The following MARCHF1 variants were observed in gnomAD, a reference collection of about 807,000 sequenced individuals.
The protein encoded by MARCHF1 is membrane associated ring-CH-type finger 1, also known as E3 ubiquitin-protein ligase MARCHF1.
Under a neutral mutation model 54.2 loss-of-function variants are expected in MARCHF1, and 40 were observed. The observed-to-expected ratio is 0.74, with a 90% CI of 0.57 to 0.96. The LOEUF (loss-of-function observed/expected upper bound fraction) is 0.96, where lower values mean the gene tolerates loss of function less well. Ranked by LOEUF, MARCHF1 falls within the 40% of genes least tolerant of loss-of-function variation. The probability of loss-of-function intolerance (pLI) is 0.00; values close to 1 mark genes in which losing one functional copy is unlikely to be tolerated. For missense variants in MARCHF1, 586 were observed against 656.5 expected, an observed-to-expected ratio of 0.89 and a Z score of 1.17; for synonymous variants, 236 against 236.3, an observed-to-expected ratio of 1.00 and a Z score of 0.01.
At chr4:164,274,778 A>G (rs1733834640) in intron 1 of MARCHF1, among the ~76,000 whole-genome samples, 1 of 139,662 alleles carries the variant, frequency 7.2e-6, no homozygotes, top group Admixed American at 8.1e-5. Context: ...CCGAGTTCAC[A>G]CCATTCTCCT....
At chr4:163,570,961 T>C (rs1241601008) in intron 8 of MARCHF1, among the ~76,000 whole-genome samples, 1 of 152,124 alleles carries the variant, frequency 6.6e-6, no homozygotes, top group Non-Finnish European at 1.5e-5. Flanking sequence ...ATAAAGTAAA[T>C]TGTCTGTGGA....
intron 1 of MARCHF1, among the ~76,000 whole-genome samples, chr4:164,196,827 C>A (rs1411239130): frequency 6.6e-6 from 1 of 152,058 alleles, no homozygotes; most frequent in African/African-American, 2.4e-5. Flanking sequence ...CCCTCCACAA[C>A]CCCCAGTACA....
At chr4:163,597,875 C>A (rs1740826681) in intron 7 of MARCHF1, among the ~76,000 whole-genome samples, 1 of 152,128 alleles carries the variant, frequency 6.6e-6, no homozygotes, top group Non-Finnish European at 1.5e-5. Flanking sequence ...TACATACTGT[C>A]CTTCATATTT....
chr4:164,010,800 T>C (rs373955679), intron 2 of MARCHF1, among the ~76,000 whole-genome samples: 32 of 151,954 alleles, frequency 2.1e-4, no homozygotes, highest in East Asian at 7.7e-4. Context: ...AGACACCAAA[T>C]AGCCAAAGCA....
intron 1 of MARCHF1, chr4:164,188,360 T>A (rs1731031345): frequency 4.3e-6 from 2 of 465,830 alleles, no homozygotes; most frequent in African/African-American, 2.0e-5. Flanking sequence ...ACGCCCTGCC[T>A]CTGCTGCCCG....
intron 2 of MARCHF1, among the ~76,000 whole-genome samples, chr4:164,012,288 A>T (rs1753438011): frequency 6.6e-6 from 1 of 152,070 alleles, no homozygotes; most frequent in African/African-American, 2.4e-5. Context: ...CTCAGTAAAG[A>T]TTCCTTCTGC....
chr4:164,126,581 T>A (rs1579555864), intron 1 of MARCHF1, among the ~76,000 whole-genome samples: 1 of 151,272 alleles, frequency 6.6e-6, no homozygotes, highest in African/African-American at 2.4e-5. Flanking sequence ...ATGAGAAGAG[T>A]TTTGAAATAC....
At chr4:164,171,968 CCTT>C (rs567631364) in intron 1 of MARCHF1, among the ~76,000 whole-genome samples, 225 of 152,260 alleles carry the variant, frequency 1.5e-3, no homozygotes, top group African/African-American at 5.0e-3. Context: ...TGAGCGCTGT[CCTT>C]CTGGCTGGCA....
intron 5 of MARCHF1, among the ~76,000 whole-genome samples, chr4:163,665,905 G>A (rs1743516317): frequency 1.3e-5 from 2 of 152,084 alleles, no homozygotes; most frequent in African/African-American, 4.8e-5. Flanking sequence ...TAGAGTTTTT[G>A]GATGAATGCT....
At chr4:163,724,280 T>C (rs527583158) in intron 4 of MARCHF1, among the ~76,000 whole-genome samples, 1 of 152,356 alleles carries the variant, frequency 6.6e-6, no homozygotes, top group Admixed American at 6.5e-5. Flanking sequence ...AGGTCCACTC[T>C]AGACCCTGTT....
chr4:164,137,529 G>A (rs1463995399), intron 1 of MARCHF1, among the ~76,000 whole-genome samples: 6 of 152,068 alleles, frequency 3.9e-5, no homozygotes, highest in Admixed American at 2.0e-4. Context: ...CGGAAAATGC[G>A]TTTCAGATTT....
chr4:164,242,834 G>A (rs1036793479), intron 1 of MARCHF1, among the ~76,000 whole-genome samples: 8 of 151,606 alleles, frequency 5.3e-5, no homozygotes, highest in Non-Finnish European at 8.8e-5. Flanking sequence ...GAAGAATGCA[G>A]AAGCCTCAGG....
chr4:163,598,501 G>T (rs1379402373), intron 7 of MARCHF1, among the ~76,000 whole-genome samples: 1 of 152,222 alleles, frequency 6.6e-6, no homozygotes, highest in Non-Finnish European at 1.5e-5. Flanking sequence ...TCCACACCTA[G>T]TCTGTATGGT....
At chr4:163,530,828 T>C (rs1346820664) in intron 9 of MARCHF1, 1 of 151,914 alleles carries the variant, frequency 6.6e-6, no homozygotes, top group Non-Finnish European at 1.5e-5. Flanking sequence ...GAATAATTCA[T>C]AGTAGTCATC....
intron 4 of MARCHF1, among the ~76,000 whole-genome samples, chr4:163,703,299 T>C (rs979406714): frequency 1.3e-5 from 2 of 152,038 alleles, no homozygotes; most frequent in Non-Finnish European, 2.9e-5. Flanking sequence ...CACATAAAAT[T>C]TAAAAATTAA....
At chr4:163,568,694 G>C (rs1419893953) in intron 8 of MARCHF1, among the ~76,000 whole-genome samples, 2 of 152,124 alleles carry the variant, frequency 1.3e-5, no homozygotes, top group Non-Finnish European at 2.9e-5. Flanking sequence ...TTTTTGGCCA[G>C]TGTACCTTGG....
intron 1 of MARCHF1, among the ~76,000 whole-genome samples, chr4:164,231,399 T>C (rs1732410515): frequency 6.6e-6 from 1 of 152,118 alleles, no homozygotes; most frequent in South Asian, 2.1e-4. Flanking sequence ...ATGCCAATTG[T>C]TATATTCTTG....
chr4:164,083,977 T>C (rs919698668), intron 2 of MARCHF1, among the ~76,000 whole-genome samples: 12 of 152,108 alleles, frequency 7.9e-5, no homozygotes, highest in Non-Finnish European at 1.6e-4. Flanking sequence ...TTTCAACCTA[T>C]TTTAGTTTCT....
chr4:164,174,657 T>C (rs563070477), intron 1 of MARCHF1, among the ~76,000 whole-genome samples: 2 of 152,290 alleles, frequency 1.3e-5, no homozygotes, highest in Admixed American at 6.5e-5. Context: ...TAGGGATTCA[T>C]TTTTTCTATT....
Sources: allele counts gnomAD v4.1 joint callset (sites outside exome capture counted in the v4.1 genomes callset), GRCh38; gene constraint gnomAD v4.1.1; transcripts MANE v1.5; gene names NCBI Gene and HGNC (gene_info 2026-07-23, HGNC 2026-07-21).